RGS12: variants seen among roughly 807,000 people sequenced by gnomAD.
RGS12 encodes the protein regulator of G-protein signaling 12.
A neutral mutation model predicts 120.1 loss-of-function variants in RGS12; 66 were observed. That is an observed-to-expected ratio of 0.55 (90% CI 0.45 to 0.67). The LOEUF (loss-of-function observed/expected upper bound fraction) is 0.67. RGS12 is among the 30% of genes least tolerant of loss of function. RGS12 has a pLI of 0.00. For synonymous variants in RGS12, 827 were observed against 804.7 expected (o/e 1.03, Z -0.47); for missense variants, 1,859 against 1,957.7 (o/e 0.95, Z 0.95).
chr4:3,372,440 G>A lies in RGS12; in HGVS notation c.1999-13976G>A, dbSNP rs113588864. ...CCAGGTGAAGGCCCTGCTGGCGCAC[G>A]GCTGGACAAGCATGACAGTTGTCGC... On this transcript the variant is annotated intron_variant, in intron 3 of 17. Transcript: ENST00000336727. The surrounding 1 kb of genome is among the most constrained non-coding windows in gnomAD (Gnocchi z 4.3). Among the ~76,000 whole-genome samples the A allele has an allele frequency of 3.8e-3, 581 of 152,348 alleles. 4 individuals are homozygous for A. The highest frequency in any genetic ancestry group is 0.013 in the African/African-American group (558 of 41,586).
Position 3,374,200 on chromosome 4 carries a change from A to G in RGS12, c.1999-12216A>G, listed in dbSNP as rs1234709056. 6.6e-6 allele frequency among the ~76,000 whole-genome samples: 1 copy of G among 152,240 alleles called. No homozygotes were observed. The highest frequency in any genetic ancestry group is 1.9e-4 in the East Asian group (1 of 5,194). On this transcript the variant is annotated intron_variant, in intron 3 of 17. Transcript: ENST00000336727. The surrounding 1 kb of genome is among the most constrained non-coding windows in gnomAD (Gnocchi z 6.3). ...ACGCTTGCCATCCTACGCATGATGCAGGGACCCCGGCCCTCCGCAGACAGC... is the reference window on the plus strand; with the variant it reads ...ACGCTTGCCATCCTACGCATGATGCGGGGACCCCGGCCCTCCGCAGACAGC...
At chr4:3,397,323 C>T (rs145058792) in intron 4 of RGS12, among the ~76,000 whole-genome samples, 9 of 152,340 alleles carry the variant, frequency 5.9e-5, no homozygotes, top group African/African-American at 9.6e-5. Context: ...TGTGCAAGTG[C>T]GTGGCCGGGC....
chr4:3,407,621 C>G (rs1397841262), intron 4 of RGS12: 1 of 152,296 alleles, frequency 6.6e-6, no homozygotes. Flanking sequence ...TTGTCAGGGG[C>G]ACACTGACTT....
intron 14 of RGS12, among the ~76,000 whole-genome samples, chr4:3,427,653 T>C (rs1385235426): frequency 6.6e-6 from 1 of 152,158 alleles, no homozygotes; most frequent in Admixed American, 6.5e-5. Context: ...GGAGAATTGC[T>C]TGAACCCAGG....
intron 15 of RGS12, 146 bp downstream of exon 15, chr4:3,428,315 G>GC (rs1488456357): frequency 1.2e-6 from 1 of 863,226 alleles, no homozygotes; most frequent in Admixed American, 2.0e-5. Flanking sequence ...TCTCGTCCCT[G>GC]CCGATGCCCA....
Position 3,424,582 on chromosome 4 carries a change from G to A in RGS12, c.3235-882G>A, listed in dbSNP as rs562804445. 3.3e-5 allele frequency among the ~76,000 whole-genome samples: 5 copies of A among 152,334 alleles called. No homozygotes were observed. The South Asian group carries it at 1.0e-3, about 32-fold the overall frequency. On this transcript the variant is annotated intron_variant, in intron 13 of 17. Transcript: ENST00000336727. ...CCCTGACTGTAAAATGGGGTTGGTC[G>A]TGGCAGCGTGCTCGTGGCATGGTTG... is the stretch of plus-strand genomic sequence containing the variant.
At chr4:3,428,338 C>T (rs940782312) in intron 15 of RGS12, 169 bp downstream of exon 15, 1 of 794,950 alleles carries the variant, frequency 1.3e-6, no homozygotes, top group Non-Finnish European at 2.2e-6. Context: ...TCCCTCTTAC[C>T]TGTGAAGGAC....
chr4:3,392,949 C>T (rs986700277), intron 4 of RGS12, among the ~76,000 whole-genome samples: 38 of 152,214 alleles, frequency 2.5e-4, no homozygotes, highest in African/African-American at 8.0e-4. Context: ...GATGGTGCCA[C>T]TGCACTCCAG....
At chr4:3,356,300 C>G (rs1025579493) in intron 3 of RGS12, among the ~76,000 whole-genome samples, 16 of 152,022 alleles carry the variant, frequency 1.1e-4, no homozygotes, top group Non-Finnish European at 4.4e-5. Context: ...AGTGATCCAC[C>G]TGCCTTGGCC....
chr4:3,307,002 C>T (rs1269153921), intron 1 of RGS12, among the ~76,000 whole-genome samples: 13 of 152,128 alleles, frequency 8.5e-5, no homozygotes, highest in Middle Eastern at 3.2e-3. Context: ...CGTCAGTTTC[C>T]GATGTTTGGT....
At chr4:3,333,074 G>T (rs1489194329) in intron 2 of RGS12, among the ~76,000 whole-genome samples, 2 of 135,034 alleles carry the variant, frequency 1.5e-5, no homozygotes, top group East Asian at 4.3e-4. Flanking sequence ...TTTTTGAGAC[G>T]GAGTCTCACC....
rs919093586 is a variant in RGS12 at position 3,293,054 on chromosome 4, T to C, written c.-147T>C. Reference sequence around the variant, plus strand: ...AGGCGACCGTTGCGCGCGCGGGCGGTGGCGCGGGCCGAAGCGCCCGGAGCG... The same window carrying C: ...AGGCGACCGTTGCGCGCGCGGGCGGCGGCGCGGGCCGAAGCGCCCGGAGCG... On this transcript the variant is annotated 5_prime_UTR_variant, in exon 1 of 18. Coordinates refer to ENST00000336727, the MANE Select transcript of RGS12 (RefSeq NM_001394154.1). The C allele has an allele frequency of 6.9e-6, 1 of 144,310 alleles. No homozygotes were observed. The highest frequency in any genetic ancestry group is 2.4e-4 in the South Asian group (1 of 4,208). 8.9% of individuals were successfully genotyped at this position (144,310 alleles called of 1,614,324 possible). A position where few individuals can be genotyped will look rare whatever the true frequency, so the allele number is the denominator to read the frequency against.
At chr4:3,382,187 T>C (rs1718331391) in intron 3 of RGS12, among the ~76,000 whole-genome samples, 1 of 151,086 alleles carries the variant, frequency 6.6e-6, no homozygotes, top group Non-Finnish European at 1.5e-5. Context: ...GATTATACCA[T>C]GATATCATTT....
chr4:3,328,749 A>C (rs1199053960), intron 2 of RGS12, among the ~76,000 whole-genome samples: 1 of 152,202 alleles, frequency 6.6e-6, no homozygotes, highest in African/African-American at 2.4e-5. Flanking sequence ...GTTCTACGCA[A>C]AGTCAGCCGG....
At chr4:3,326,137 T>G (rs770028860) in intron 2 of RGS12, among the ~76,000 whole-genome samples, 3 of 152,112 alleles carry the variant, frequency 2.0e-5, no homozygotes, top group Non-Finnish European at 2.9e-5. Flanking sequence ...CTCTCATCAC[T>G]CCTATTCAAC....
intron 3 of RGS12, among the ~76,000 whole-genome samples, chr4:3,368,726 T>TG (rs535201405): frequency 2.6e-5 from 1 of 37,924 alleles, no homozygotes; most frequent in Non-Finnish European, 4.7e-5. Context: ...CTGTGTGTGT[T>TG]GGGGGGTGCC....
chr4:3,330,123 C>T (rs1220149105), intron 2 of RGS12, among the ~76,000 whole-genome samples: 2 of 152,212 alleles, frequency 1.3e-5, no homozygotes, highest in Non-Finnish European at 2.9e-5. Context: ...CTGCTTACAT[C>T]AGTCACATGG....
At chr4:3,387,980 C>T (rs58249502) in intron 4 of RGS12, among the ~76,000 whole-genome samples, 7,650 of 152,284 alleles carry the variant, frequency 0.05, 617 homozygotes, top group African/African-American at 0.17. Flanking sequence ...AAGTCTCTAG[C>T]TCCTCGCCGT....
At chr4:3,357,713 A>G (rs1397960713) in intron 3 of RGS12, among the ~76,000 whole-genome samples, 1 of 152,030 alleles carries the variant, frequency 6.6e-6, no homozygotes, top group African/African-American at 2.4e-5. Context: ...GTTCTATTCC[A>G]TTAGTCTTAT....
Sources: gnomAD v4.1 joint callset for allele counts (sites outside exome capture counted in the v4.1 genomes callset) on GRCh38, gnomAD v4.1.1 for gene constraint, Gnocchi (gnomAD v3.1) non-coding constraint, MANE v1.5 for transcripts, NCBI Gene and HGNC (gene_info 2026-07-23, HGNC 2026-07-21) for gene names.